Variants in PCNX2 observed in about 807,000 individuals in gnomAD.
The protein encoded by PCNX2 is pecanex-like protein 2.
Under a neutral mutation model 223.8 loss-of-function variants are expected in PCNX2, and 168 were observed. The ratio of observed to expected loss-of-function variants is 0.75; its 90% CI spans 0.66 to 0.85. PCNX2 has a LOEUF of 0.85. PCNX2 is among the 40% of genes least tolerant of loss of function. PCNX2 has a pLI of 0.00. For synonymous variants in PCNX2, 1,006 were observed against 1,052.6 expected (o/e 0.96, Z 0.86); for missense variants, 2,507 against 2,675.5 (o/e 0.94, Z 1.39).
chr1:233,034,478 G>A (rs1015292512), intron 25 of PCNX2, among the ~76,000 whole-genome samples: 3 of 152,152 alleles, frequency 2.0e-5, no homozygotes, highest in African/African-American at 7.2e-5. Flanking sequence ...TGTCTAAGCC[G>A]CCCAGTCTAT....
In PCNX2 at chr1:233,258,184, T is replaced by C; in HGVS notation, c.1678A>G (p.Lys560Glu). 1 of 1,614,000 alleles carries C rather than the reference T, an allele frequency of 6.2e-7. No individual in the cohort carries two copies. The highest frequency in any genetic ancestry group is 8.5e-7 in the Non-Finnish European group (1 of 1,179,884). The part of the protein sequence containing the change: ...NDTEKTMPTS[K>E]SDLEAKEGQM... ...CCTTCCTTAGCCTCTAGGTCAGATT[T>C]GGAAGTTGGCATTGTTTTCTCTGTA... The change falls in exon 5 of 34, where the codon AAA (lysine) becomes GAA (glutamate). Residue 560 changes from lysine (K) to glutamate (E), a missense_variant. Lys to Glu is a moderately conservative substitution (Grantham distance 56). Coordinates refer to ENST00000258229, the MANE Select transcript of PCNX2 (RefSeq NM_014801.4).
At chr1:233,207,304 G>A (rs1572077746) in intron 13 of PCNX2, among the ~76,000 whole-genome samples, 1 of 152,178 alleles carries the variant, frequency 6.6e-6, no homozygotes, top group Non-Finnish European at 1.5e-5. Flanking sequence ...ACAGAAGTTG[G>A]GAAAGGATGA....
At chr1:233,004,434 T>A (rs1670206060) in intron 28 of PCNX2, among the ~76,000 whole-genome samples, 1 of 151,752 alleles carries the variant, frequency 6.6e-6, no homozygotes, top group African/African-American at 2.4e-5. Context: ...CATCCTACAT[T>A]CCTAGGAGAG....
chr1:233,066,661 C>T (rs1451084797), intron 23 of PCNX2, among the ~76,000 whole-genome samples: 1 of 152,208 alleles, frequency 6.6e-6, no homozygotes, highest in Admixed American at 6.5e-5. Context: ...ATATGGGATC[C>T]AGGCCAGTAG....
In PCNX2 at chr1:233,273,630, A is replaced by ATTT. The variant is rs386369983; in HGVS notation, c.154-10470_154-10468dup. 4.1e-3 allele frequency among the ~76,000 whole-genome samples: 598 copies of ATTT among 146,428 alleles called. 6 individuals carry two copies. Among genetic ancestry groups the ATTT allele is most frequent in the African/African-American group, 0.011 (444 of 40,042 alleles). On this transcript the variant is annotated intron_variant, in intron 1 of 33. Coordinates refer to ENST00000258229, the MANE Select transcript of PCNX2 (RefSeq NM_014801.4). Reference sequence around the variant, plus strand: ...TCAATAAAAGAGAAGCTCTTTTGGCATTTTTTTTTTTTTGATAGAATCTTA... The same window carrying ATTT: ...TCAATAAAAGAGAAGCTCTTTTGGCATTTTTTTTTTTTTTTTGATAGAATCTTA...
rs200538873 is a variant in PCNX2, at chr1:233,227,370, T to G, written c.2360A>C (p.His787Pro). 6.2e-7 allele frequency: 1 copy of G among 1,610,648 alleles called. No individual in the cohort carries two copies. Among genetic ancestry groups the G allele is most frequent in the Non-Finnish European group, 8.5e-7 (1 of 1,178,740 alleles). Residue 787 changes from histidine (H) to proline (P), a missense_variant and splice_region_variant, in exon 10 of 34, where the codon CAT (histidine) becomes CCT (proline). Coordinates refer to ENST00000258229, the MANE Select transcript of PCNX2 (RefSeq NM_014801.4). ...ARRTQSETPR[H>P]VSQDLEASSC... is the part of the protein sequence containing the mutation. Reference sequence around the variant, plus strand: ...CGAGGCTTCCAGATCCTGACTCACATGCTTTTAGATACCAAAAGAAACAAC... The same window carrying G: ...CGAGGCTTCCAGATCCTGACTCACAGGCTTTTAGATACCAAAAGAAACAAC...
Position 233,168,103 on chromosome 1 carries a change from T to G in PCNX2, c.3274-6740A>C, listed in dbSNP as rs146862439. 4.9e-3 allele frequency among the ~76,000 whole-genome samples: 746 copies of G among 152,208 alleles called. 8 individuals are homozygous for G. Among genetic ancestry groups the G allele is most frequent in the African/African-American group, 0.016 (671 of 41,564 alleles). ...TAATAGTGAATTCTACTGTGTTAGA[T>G]ATTACAAAAATGAGTGTGAAAGGGA... is the stretch of plus-strand genomic sequence containing the variant. On this transcript the variant is annotated intron_variant, in intron 17 of 33. Transcript: ENST00000258229.
intron 8 of PCNX2, among the ~76,000 whole-genome samples, chr1:233,249,355 G>C (rs539932116): frequency 3.9e-5 from 6 of 152,194 alleles, no homozygotes; most frequent in African/African-American, 1.4e-4. Flanking sequence ...GCTGGGAATT[G>C]CAGAATAATA....
At chr1:233,168,081 T>C (rs898594518) in intron 17 of PCNX2, among the ~76,000 whole-genome samples, 2 of 152,152 alleles carry the variant, frequency 1.3e-5, no homozygotes, top group Non-Finnish European at 2.9e-5. Context: ...TATGTCTTAA[T>C]AGTGAATTCT....
At chr1:233,114,298 C>T (rs1675282828) in intron 21 of PCNX2, among the ~76,000 whole-genome samples, 1 of 152,096 alleles carries the variant, frequency 6.6e-6, no homozygotes, top group South Asian at 2.1e-4. Context: ...AAGGGAGGAA[C>T]ATTTAAAGAC....
At chr1:233,321,013 C>CTTTTTTT in the PCNX2 span, among the ~76,000 whole-genome samples, 70 of 70,336 alleles carry the variant, frequency 1.0e-3, 1 homozygote, top group African/African-American at 1.1e-3. Flanking sequence ...AAAATGTCTT[C>CTTTTTTT]TTTTTTTTTT....
chr1:233,090,160 G>A lies in PCNX2; in HGVS notation c.3977C>T (p.Ala1326Val). 7 of 1,613,540 alleles carry A rather than the reference G, an allele frequency of 4.3e-6. No homozygotes were observed. Among genetic ancestry groups the A allele is most frequent in the Middle Eastern group, 1.6e-4 (1 of 6,062 alleles). The change falls in exon 23 of 34, where the codon GCC becomes GTC. Residue 1326 changes from alanine (A) to valine (V), a missense_variant. Physicochemically the swap from Ala to Val is moderately conservative, Grantham distance 64. This residue lies in a region of PCNX2 where 1,372 missense variants were observed against 1,509.4 expected (regional missense o/e 0.91). Coordinates refer to ENST00000258229, the MANE Select transcript of PCNX2 (RefSeq NM_014801.4). ...HSAMLFFQTI[A>V]TSIFSTPLSP... ...CAATGGGGTAGAAAAGATTGATGTG[G>A]CAATCGTCTGAAAGAAAAGCATGGC...
intron 8 of PCNX2, among the ~76,000 whole-genome samples, chr1:233,237,491 G>C (rs1301211045): frequency 6.6e-6 from 1 of 152,148 alleles, no homozygotes; most frequent in Admixed American, 6.5e-5. Context: ...GGACATGATG[G>C]AATTAGTTGT....
intron 1 of PCNX2, chr1:233,289,492 C>T: frequency 2.5e-6 from 2 of 813,510 alleles, no homozygotes; most frequent in African/African-American, 1.7e-5. Context: ...TTAGGAAGAG[C>T]AGAAGGATGC....
intron 24 of PCNX2, among the ~76,000 whole-genome samples, chr1:233,055,827 C>T (rs1296729036): frequency 6.6e-6 from 1 of 152,130 alleles, no homozygotes; most frequent in Non-Finnish European, 1.5e-5. Flanking sequence ...ACCGAAGCAT[C>T]CCTGCTTTGT....
chr1:233,286,690 A>G (rs1447129552), intron 1 of PCNX2, among the ~76,000 whole-genome samples: 1 of 151,592 alleles, frequency 6.6e-6, no homozygotes, highest in African/African-American at 2.4e-5. Context: ...CAAGGAGAAC[A>G]GAGTCTCTGA....
chr1:233,007,206 G>A (rs1277020799), intron 28 of PCNX2, among the ~76,000 whole-genome samples: 1 of 151,204 alleles, frequency 6.6e-6, no homozygotes, highest in Non-Finnish European at 1.5e-5. Context: ...TTGGCAACTA[G>A]ATGACTAGCA....
At chr1:233,134,770 ATT>A (rs1676711843) in intron 21 of PCNX2, 1 of 549,058 alleles carries the variant, frequency 1.8e-6, no homozygotes, top group East Asian at 3.0e-5. Flanking sequence ...AGGTAATAAA[ATT>A]TCAAGTCACA....
At position 233,295,423 on chromosome 1, in the gene PCNX2, C is replaced by T; in HGVS notation, c.56G>A (p.Gly19Glu). The T allele has an allele frequency of 6.4e-7, 1 of 1,552,038 alleles. No homozygotes were observed. The highest frequency in any genetic ancestry group is 1.2e-5 in the South Asian group (1 of 84,072). ...CTGCTCCGGGTCGTGGTACCAGCCC[C>T]CGGTGAGCGCGGCCCACACGCCCTG... ...LRQGVWAALT[G>E]GWYHDPEQSK... is the part of the protein sequence containing the mutation. Residue 19 changes from glycine to glutamate, a missense_variant, in exon 1 of 34, where the codon GGG becomes GAG. Transcript: ENST00000258229. The surrounding 1 kb of genome is among the most constrained non-coding windows in gnomAD (Gnocchi z 4.1).
Sources: gnomAD v4.1 joint callset for allele counts (sites outside exome capture counted in the v4.1 genomes callset) on GRCh38, gnomAD v4.1.1 for gene constraint, gnomAD v4.1.1 regional missense constraint, Gnocchi (gnomAD v3.1) non-coding constraint, MANE v1.5 for transcripts, NCBI Gene and HGNC (gene_info 2026-07-23, HGNC 2026-07-21) for gene names.